Variants in RALY observed in about 807,000 individuals in gnomAD.
The protein encoded by RALY is RNA-binding protein Raly.
Under a neutral mutation model 30.7 loss-of-function variants are expected in RALY, and 15 were observed. That is an observed-to-expected ratio of 0.49 (90% CI 0.33 to 0.75). RALY has a LOEUF of 0.75. Ranked by LOEUF, RALY falls within the 30% of genes least tolerant of loss-of-function variation. The probability of loss-of-function intolerance (pLI) is 0.02; values close to 1 mark genes in which losing one functional copy is unlikely to be tolerated. For missense variants in RALY, 339 were observed against 414.3 expected (o/e 0.82, Z 1.58); for synonymous variants, 177 against 170.8 (o/e 1.04, Z -0.28).
chr20:34,079,700 A>G (rs2033991346), intron 9 of RALY, among the ~76,000 whole-genome samples: 1 of 152,186 alleles, frequency 6.6e-6, no homozygotes, highest in Admixed American at 6.5e-5. Flanking sequence ...CAGGTGAGTT[A>G]TATGGGCTCA....
chr20:34,042,124 A>G (rs2032723297), intron 2 of RALY, among the ~76,000 whole-genome samples: 1 of 152,132 alleles, frequency 6.6e-6, no homozygotes, highest in East Asian at 1.9e-4. Flanking sequence ...GTCTCAAAAA[A>G]CAAACATAAA....
At chr20:34,073,521 T>C (rs1374290211) in intron 3 of RALY, 42 bp from the exon 4 acceptor site, 1 of 1,517,618 alleles carries the variant, frequency 6.6e-7, no homozygotes. Flanking sequence ...GTGGGCACAC[T>C]GTCATGTTAG....
chr20:34,046,482 T>G (rs2032882748), intron 2 of RALY, among the ~76,000 whole-genome samples: 1 of 152,192 alleles, frequency 6.6e-6, no homozygotes, highest in Non-Finnish European at 1.5e-5. Context: ...AGAGAAACTC[T>G]TATTCACTCC....
At chr20:34,054,246 G>A (rs2033170653) in intron 2 of RALY, among the ~76,000 whole-genome samples, 1 of 152,184 alleles carries the variant, frequency 6.6e-6, no homozygotes, top group Admixed American at 6.5e-5. Context: ...AAATTTCACT[G>A]GTTGCTAGTA....
At chr20:34,001,686 G>T (rs1045991372) in intron 1 of RALY, among the ~76,000 whole-genome samples, 1 of 152,318 alleles carries the variant, frequency 6.6e-6, no homozygotes, top group East Asian at 1.9e-4. Context: ...AGATTTAAAA[G>T]GGTCATTTCC....
chr20:34,038,772 G>T (rs1205016680), intron 2 of RALY, among the ~76,000 whole-genome samples: 1 of 152,130 alleles, frequency 6.6e-6, no homozygotes, highest in Non-Finnish European at 1.5e-5. Flanking sequence ...CTGAGCTGTA[G>T]TTTGCTCATA....
intron 2 of RALY, among the ~76,000 whole-genome samples, chr20:34,046,523 C>T (rs1458028248): frequency 6.6e-6 from 1 of 152,168 alleles, no homozygotes; most frequent in African/African-American, 2.4e-5. Context: ...ATGCCCTTTG[C>T]CTTTTTCGTA....
intron 1 of RALY, among the ~76,000 whole-genome samples, chr20:34,021,981 C>A (rs567746741): frequency 4.0e-5 from 6 of 151,490 alleles, no homozygotes; most frequent in Admixed American, 6.6e-5. Context: ...TCCTCAACTC[C>A]TGGCCTCCCA....
intron 8 of RALY, among the ~76,000 whole-genome samples, chr20:34,077,848 C>G (rs2033938379): frequency 1.3e-5 from 2 of 152,244 alleles, no homozygotes; most frequent in Non-Finnish European, 2.9e-5. Flanking sequence ...TCTCTAACTT[C>G]ACATAACCTT....
intron 1 of RALY, among the ~76,000 whole-genome samples, chr20:34,026,971 A>G (rs1489254309): frequency 6.6e-6 from 1 of 152,170 alleles, no homozygotes; most frequent in Non-Finnish European, 1.5e-5. Context: ...ACTTAGGCTG[A>G]CACAGAGCCT....
chr20:34,046,095 C>T (rs1031287790), intron 2 of RALY, among the ~76,000 whole-genome samples: 8 of 152,108 alleles, frequency 5.3e-5, no homozygotes, highest in Non-Finnish European at 7.4e-5. Flanking sequence ...TGATTCAGGC[C>T]GGTGTCTTTG....
At chr20:34,006,508 GTTC>G (rs1236398268) in intron 1 of RALY, among the ~76,000 whole-genome samples, 1 of 152,178 alleles carries the variant, frequency 6.6e-6, no homozygotes, top group Non-Finnish European at 1.5e-5. Context: ...TCCACACATG[GTTC>G]TTAAGTCTTC....
In RALY at chr20:34,077,099, AGTGGTGGTGGCGGTGGCG is replaced by A; in HGVS notation, c.735_752del (p.Gly246_Gly251del). On this transcript the variant is annotated inframe_deletion, in exon 8 of 10. Transcript: ENST00000246194. ...TGGTGGTGGCAGCGGTGGCGGTGGC[AGTGGTGGTGGCGGTGGCG>A]GTGGCAGCAGCCGGCCACCAGCCCC... The A allele has an allele frequency of 6.2e-7, 1 of 1,604,960 alleles. No homozygotes were observed.
At chr20:34,026,279 C>A (rs1235839515) in intron 1 of RALY, among the ~76,000 whole-genome samples, 1 of 152,088 alleles carries the variant, frequency 6.6e-6, no homozygotes, top group African/African-American at 2.4e-5. Context: ...TTAACATTTA[C>A]AAAGAGGAAT....
At chr20:34,044,482 G>A (rs1050384788) in intron 2 of RALY, among the ~76,000 whole-genome samples, 2 of 151,388 alleles carry the variant, frequency 1.3e-5, no homozygotes, top group African/African-American at 4.9e-5. Flanking sequence ...CACCACACCC[G>A]GCTAATTTCG....
chr20:34,003,918 C>T (rs1033060733), intron 1 of RALY, among the ~76,000 whole-genome samples: 1 of 152,306 alleles, frequency 6.6e-6, no homozygotes, highest in East Asian at 1.9e-4. Flanking sequence ...GGATTACAGG[C>T]GTGAGCCACC....
chr20:34,009,059 T>G (rs189091806), intron 1 of RALY, among the ~76,000 whole-genome samples: 205 of 152,220 alleles, frequency 1.3e-3, no homozygotes, highest in African/African-American at 4.8e-3. Flanking sequence ...CATGGGGCTA[T>G]GAAGGTGACT....
intron 1 of RALY, among the ~76,000 whole-genome samples, chr20:34,006,871 C>T (rs978300193): frequency 3.3e-5 from 5 of 152,196 alleles, no homozygotes. Flanking sequence ...CAGAATGTAT[C>T]CCCGTTGCTA....
intron 5 of RALY, 48 bp downstream of exon 5, chr20:34,073,914 G>T (rs1365700110): frequency 1.9e-6 from 3 of 1,588,220 alleles, no homozygotes; most frequent in Admixed American, 1.7e-5. Flanking sequence ...CAAGCTGGAA[G>T]GGTCTTGAGA....
Sources: allele counts gnomAD v4.1 joint callset (sites outside exome capture counted in the v4.1 genomes callset), GRCh38; gene constraint gnomAD v4.1.1; transcripts MANE v1.5; gene names NCBI Gene and HGNC (gene_info 2026-07-23, HGNC 2026-07-21).